Variants in NCKAP5 observed in about 807,000 individuals in gnomAD.
NCKAP5 encodes nck-associated protein 5.
A neutral mutation model predicts 167.0 loss-of-function variants in NCKAP5; 92 were observed. The observed-to-expected ratio is 0.55, with a 90% CI of 0.47 to 0.66. The LOEUF is 0.66. Among genes scored for constraint, NCKAP5 ranks in the 30% least tolerant of loss-of-function variants. The pLI, the probability that NCKAP5 is intolerant of heterozygous loss-of-function variation, is 0.00. For synonymous variants in NCKAP5, 891 were observed against 877.4 expected (o/e 1.02, Z -0.27); for missense variants, 2,378 against 2,315.0 (o/e 1.03, Z -0.56).
intron 3 of NCKAP5, among the ~76,000 whole-genome samples, chr2:133,450,491 G>A (rs141419637): frequency 1.1e-3 from 165 of 152,208 alleles, no homozygotes; most frequent in African/African-American, 3.6e-3. Context: ...TTGACTATTC[G>A]GATGCATACT....
chr2:133,135,756 G>A (rs2082766702), intron 5 of NCKAP5, among the ~76,000 whole-genome samples: 1 of 152,098 alleles, frequency 6.6e-6, no homozygotes, highest in Admixed American at 6.5e-5. Flanking sequence ...TACTGGGGAC[G>A]GTGAACTCAT....
intron 2 of NCKAP5, among the ~76,000 whole-genome samples, chr2:133,545,729 T>G (rs778273396): frequency 1.3e-5 from 2 of 152,182 alleles, no homozygotes; most frequent in Non-Finnish European, 2.9e-5. Flanking sequence ...TGTGAGAATT[T>G]CGTACCTTAC....
At chr2:132,918,749 T>G (rs1695081762) in intron 8 of NCKAP5, among the ~76,000 whole-genome samples, 1 of 152,214 alleles carries the variant, frequency 6.6e-6, no homozygotes, top group Non-Finnish European at 1.5e-5. Context: ...CAATGCTTTC[T>G]GAAGATTCCA....
rs972847987 is a variant in NCKAP5, at chr2:133,347,600, T to C, written c.70-44490A>G. On this transcript the variant is annotated intron_variant, in intron 3 of 19. Coordinates refer to ENST00000409261, the MANE Select transcript of NCKAP5 (RefSeq NM_207363.3). ...ATAATTAATATAATATAATATAATA[T>C]AATAAAGTATAAATATTCTACAATG... Among the ~76,000 whole-genome samples the C allele has an allele frequency of 8.0e-5, 12 of 149,956 alleles. No individual in the cohort carries two copies. The East Asian group carries it at 1.7e-3, about 22-fold the overall frequency.
At chr2:133,320,931 A>G (rs1682005368) in intron 3 of NCKAP5, among the ~76,000 whole-genome samples, 1 of 152,108 alleles carries the variant, frequency 6.6e-6, no homozygotes, top group Admixed American at 6.5e-5. Context: ...CTGTTTGCCC[A>G]TTCCTGTGGG....
intron 6 of NCKAP5, among the ~76,000 whole-genome samples, chr2:133,024,491 A>C (rs1248041006): frequency 1.3e-5 from 2 of 152,232 alleles, no homozygotes; most frequent in Non-Finnish European, 2.9e-5. Flanking sequence ...TTTAGAGTTA[A>C]CATATCTTTC....
Position 133,094,975 on chromosome 2 carries a change from G to A in NCKAP5, c.341+35003C>T, listed in dbSNP as rs184914780. 1.5e-3 allele frequency among the ~76,000 whole-genome samples: 224 copies of A among 152,136 alleles called. 9 individuals carry two copies. The highest frequency in any genetic ancestry group is 0.013 in the Admixed American group (198 of 15,270). On this transcript the variant is annotated intron_variant, in intron 6 of 19. Transcript: ENST00000409261. Reference sequence around the variant, plus strand: ...CTATAACCCCCAAAAACTGAATCCTGCCAACAATATGAATGAGCTTGGAAG... The same window carrying A: ...CTATAACCCCCAAAAACTGAATCCTACCAACAATATGAATGAGCTTGGAAG...
At position 133,454,621 on chromosome 2, in the gene NCKAP5, T is replaced by A. The variant is rs572405455; in HGVS notation, c.69+62837A>T. 2.0e-5 allele frequency among the ~76,000 whole-genome samples: 3 copies of A among 152,230 alleles called. No individual in the cohort carries two copies. In the East Asian group the frequency reaches 5.8e-4, roughly 29 times the overall value. On this transcript the variant is annotated intron_variant, in intron 3 of 19. Coordinates refer to ENST00000409261, the MANE Select transcript of NCKAP5 (RefSeq NM_207363.3). ...TGTAGTCTTTGGAGTGCTTTTGACA[T>A]GGCTGAGATTTTAAAAATAATCATA...
chr2:133,161,272 G>A (rs1014128367), intron 5 of NCKAP5, among the ~76,000 whole-genome samples: 6 of 152,070 alleles, frequency 3.9e-5, no homozygotes, highest in African/African-American at 9.7e-5. Flanking sequence ...TTTGGAGACC[G>A]TTCCTCTATG....
At chr2:133,116,487 C>CAAAA (rs1176731938) in intron 6 of NCKAP5, among the ~76,000 whole-genome samples, 10 of 7,146 alleles carry the variant, frequency 1.4e-3, no homozygotes, top group African/African-American at 2.7e-3. Flanking sequence ...GACTCCGTCT[C>CAAAA]AAAAAAAAAA....
intron 16 of NCKAP5, among the ~76,000 whole-genome samples, chr2:132,760,658 A>C (rs897070009): frequency 2.0e-5 from 3 of 152,060 alleles, no homozygotes; most frequent in Non-Finnish European, 4.4e-5. Flanking sequence ...TTTTACCTGG[A>C]ACTTCATTTG....
chr2:133,384,898 T>C (rs969664311), intron 3 of NCKAP5, among the ~76,000 whole-genome samples: 1 of 152,240 alleles, frequency 6.6e-6, no homozygotes, highest in Non-Finnish European at 1.5e-5. Context: ...ATTGATTTTG[T>C]ATGCTGAGAC....
At chr2:132,830,636 T>G (rs1353754608) in intron 11 of NCKAP5, among the ~76,000 whole-genome samples, 1 of 152,162 alleles carries the variant, frequency 6.6e-6, no homozygotes, top group Non-Finnish European at 1.5e-5. Context: ...TGAATATTGC[T>G]TCCAGCAGAA....
At chr2:132,958,955 G>A (rs942289456) in intron 8 of NCKAP5, among the ~76,000 whole-genome samples, 2 of 150,422 alleles carry the variant, frequency 1.3e-5, no homozygotes, top group Admixed American at 1.3e-4. Flanking sequence ...TGCCCACTGG[G>A]GTGGGGACCA....
chr2:133,661,263 C>T, the NCKAP5 span, among the ~76,000 whole-genome samples: 3,054 of 152,108 alleles, frequency 0.02, 132 homozygotes, highest in East Asian at 0.18. Flanking sequence ...ATCAAGGAAG[C>T]AGAAATCAAA....
Position 133,225,779 on chromosome 2 carries a change from C to CTTTTTTTTTTT in NCKAP5, c.144-12011_144-12001dup, listed in dbSNP as rs1003972708. ...CAGGTGTGGGTCATCATGCCCTGTT[C>CTTTTTTTTTTT]TTTTTTTTTTTTTTTTTTTTTTTTT... On this transcript the variant is annotated intron_variant, in intron 4 of 19. Transcript: ENST00000409261. 5.0e-5 allele frequency among the ~76,000 whole-genome samples: 2 copies of CTTTTTTTTTTT among 39,732 alleles called. 1 individual carries two copies. The highest frequency in any genetic ancestry group is 1.0e-4 in the Non-Finnish European group (2 of 19,680). 26.1% of individuals were successfully genotyped at this position (39,732 alleles called of 152,430 possible).
intron 8 of NCKAP5, among the ~76,000 whole-genome samples, chr2:132,921,635 C>A (rs1372976523): frequency 6.6e-6 from 1 of 152,192 alleles, no homozygotes; most frequent in African/African-American, 2.4e-5. Context: ...ATCATCCCGC[C>A]TTTGAAGGCT....
chr2:132,783,167 G>T lies in NCKAP5; in HGVS notation c.3644C>A (p.Ala1215Glu), dbSNP rs746358234. 1 of 1,613,682 alleles carries T rather than the reference G, an allele frequency of 6.2e-7. No individual in the cohort carries two copies. Among genetic ancestry groups the T allele is most frequent in the Non-Finnish European group, 8.5e-7 (1 of 1,179,858 alleles). ...ERNVTLPDSQAQGSLADGLPL... is the reference protein window; with the variant it reads ...ERNVTLPDSQEQGSLADGLPL... ...AAGCCCATCAGCTAAACTGCCCTGT[G>T]CTTGTGAATCCGGTAGGGTCACATT... is the stretch of plus-strand genomic sequence containing the variant. The change falls in exon 14 of 20, where the codon GCA becomes GAA. Residue 1215 changes from alanine (A) to glutamate (E), a missense_variant. Physicochemically the swap from Ala to Glu is moderately radical, Grantham distance 107. Around this residue, in one of 3 missense-constraint regions of NCKAP5, gnomAD observed 1,325 missense variants for 1,274.5 expected, o/e 1.04. Coordinates refer to ENST00000409261, the MANE Select transcript of NCKAP5 (RefSeq NM_207363.3).
At chr2:133,522,251 T>C (rs1558751511) in intron 2 of NCKAP5, among the ~76,000 whole-genome samples, 1 of 152,148 alleles carries the variant, frequency 6.6e-6, no homozygotes, top group Non-Finnish European at 1.5e-5. Flanking sequence ...GCACCAGCAA[T>C]GCCCCAGTCT....
Sources: allele counts gnomAD v4.1 joint callset (sites outside exome capture counted in the v4.1 genomes callset), GRCh38; gene constraint gnomAD v4.1.1; regional missense constraint gnomAD v4.1.1; transcripts MANE v1.5; gene names NCBI Gene and HGNC (gene_info 2026-07-23, HGNC 2026-07-21).